The following STARD9 variants were observed in gnomAD, a reference collection of about 807,000 sequenced individuals.
STARD9 encodes the protein stAR-related lipid transfer protein 9.
Under a neutral mutation model 399.8 loss-of-function variants are expected in STARD9, and 346 were observed. That is an observed-to-expected ratio of 0.87 (90% CI 0.79 to 0.95). STARD9 has a LOEUF of 0.95. Ranked by LOEUF, STARD9 falls within the 40% of genes least tolerant of loss-of-function variation. The pLI, the probability that STARD9 is intolerant of heterozygous loss-of-function variation, is 0.00. For synonymous variants in STARD9, 2,203 were observed against 2,143.5 expected (o/e 1.03, Z -0.77); for missense variants, 5,832 against 5,667.5 (o/e 1.03, Z -0.93).
chr15:42,626,685 T>G (rs2059232470), intron 3 of STARD9, among the ~76,000 whole-genome samples: 1 of 151,380 alleles, frequency 6.6e-6, no homozygotes, highest in African/African-American at 2.4e-5. Context: ...TTTTTTTTTT[T>G]TTTTTTAGTA....
At chr15:42,649,295 T>A (rs1305577344) in intron 7 of STARD9, among the ~76,000 whole-genome samples, 1 of 152,166 alleles carries the variant, frequency 6.6e-6, no homozygotes, top group African/African-American at 2.4e-5. Context: ...CCCAAAGTGT[T>A]GGGATTACAG....
At chr15:42,705,554 C>T (rs947355405) in intron 26 of STARD9, among the ~76,000 whole-genome samples, 1 of 152,038 alleles carries the variant, frequency 6.6e-6, no homozygotes, top group Non-Finnish European at 1.5e-5. Flanking sequence ...CCTGGCTCAG[C>T]ACTCCGAGTA....
rs768368491 is a variant in STARD9 at position 42,688,532 on chromosome 15, C to T, written c.6954C>T (p.Ser2318=). 3 of 1,537,720 alleles carry T rather than the reference C, an allele frequency of 2.0e-6. 1 individual carries two copies. The highest frequency in any genetic ancestry group is 2.4e-5 in the South Asian group (2 of 84,062). The change falls in exon 23 of 33, where the codon AGC becomes AGT. Residue 2318 remains serine (S), a synonymous_variant. Coordinates refer to ENST00000290607, the MANE Select transcript of STARD9 (RefSeq NM_020759.3). ...FRQETVSPLL[S]RTEFCTAPLH... is the part of the protein sequence containing the mutation. ...AGGAAACTGTCAGCCCATTACTAAG[C>T]CGGACAGAATTCTGTACAGCTCCTC...
rs562876071 is a variant in STARD9 at position 42,694,883 on chromosome 15, G to A, written c.12962+158G>A. ...GGGAATGGAATGAGGGAGGGGGTGG[G>A]CAGAGAGAAGGCACAGGAAATGATG... On this transcript the variant is annotated intron_variant, in intron 24 of 32. Coordinates refer to ENST00000290607, the MANE Select transcript of STARD9 (RefSeq NM_020759.3). Among the ~76,000 whole-genome samples the A allele has an allele frequency of 2.1e-4, 31 of 148,590 alleles. No homozygotes were observed. The East Asian group carries it at 5.1e-3, about 25-fold the overall frequency.
At chr15:42,615,013 A>ATT (rs111730580) in intron 3 of STARD9, among the ~76,000 whole-genome samples, 77,993 of 135,870 alleles carry the variant, frequency 0.57, 23,649 homozygotes, top group East Asian at 0.73. Context: ...ATAGTCAAGG[A>ATT]TTTTTTTTTT....
intron 9 of STARD9, among the ~76,000 whole-genome samples, chr15:42,658,587 A>G (rs1282222726): frequency 9.3e-5 from 14 of 151,062 alleles, no homozygotes; most frequent in Admixed American, 7.9e-4. Context: ...GGTTCAAGTG[A>G]TTCTCCTGCC....
intron 20 of STARD9, 106 bp from the exon 21 acceptor site, chr15:42,681,316 C>A: frequency 8.4e-7 from 1 of 1,185,472 alleles, no homozygotes; most frequent in Non-Finnish European, 1.2e-6. Context: ...GCACTCTCTA[C>A]CCTGTTGATT....
intron 26 of STARD9, among the ~76,000 whole-genome samples, chr15:42,698,974 C>A (rs1357903828): frequency 6.6e-6 from 1 of 151,952 alleles, no homozygotes; most frequent in African/African-American, 2.4e-5. Flanking sequence ...CCACTACCCT[C>A]ATTGCTCTTC....
At chr15:42,581,707 G>A (rs1457310260) in intron 1 of STARD9, among the ~76,000 whole-genome samples, 1 of 152,224 alleles carries the variant, frequency 6.6e-6, no homozygotes, top group East Asian at 1.9e-4. Context: ...CACGATGACA[G>A]GAAACCTACA....
At chr15:42,677,089 TAAAAAAAAAAAAA>T (rs869040683) in intron 20 of STARD9, among the ~76,000 whole-genome samples, 76 of 53,604 alleles carry the variant, frequency 1.4e-3, no homozygotes, top group African/African-American at 6.4e-3. Flanking sequence ...CGTCTCTACT[TAAAAAAAAAAAAA>T]AAAAAAAAAA....
At chr15:42,581,966 T>TCAA (rs879863919) in intron 1 of STARD9, among the ~76,000 whole-genome samples, 13 of 151,994 alleles carry the variant, frequency 8.6e-5, no homozygotes, top group East Asian at 5.8e-4. Flanking sequence ...ATCTGTGTCG[T>TCAA]CAACAACAAC....
Position 42,687,264 on chromosome 15 carries a change from G to T in STARD9, c.5686G>T (p.Gly1896Cys). 10 of 1,536,878 alleles carry T rather than the reference G, an allele frequency of 6.5e-6. No individual in the cohort carries two copies. Among genetic ancestry groups the T allele is most frequent in the Non-Finnish European group, 4.4e-6 (5 of 1,146,884 alleles). Reference sequence around the variant, plus strand: ...AGAGGTCACTGCTCAGTCCTGTTGCGGTGCTTCCTCAGACAGCACTGAGTC... The same window carrying T: ...AGAGGTCACTGCTCAGTCCTGTTGCTGTGCTTCCTCAGACAGCACTGAGTC... ...GGEVTAQSCC[G>C]ASSDSTESGK... is the part of the protein sequence containing the mutation. Residue 1896 changes from glycine to cysteine, a missense_variant, in exon 23 of 33, where the codon GGT (glycine) becomes TGT (cysteine). By Grantham distance (159) the Gly-to-Cys change is radical. Transcript: ENST00000290607.
At position 42,631,473 on chromosome 15, in the gene STARD9, G is replaced by T. The variant is rs530185347; in HGVS notation, c.235-3383G>T. On this transcript the variant is annotated intron_variant, in intron 3 of 32. Transcript: ENST00000290607. ...TGTGCGCCGGTAGTCTCAGCTACTT[G>T]GGATACCAGGGCATGAGAATTGCTT... is the stretch of plus-strand genomic sequence containing the variant. Among the ~76,000 whole-genome samples the T allele has an allele frequency of 7.9e-4, 120 of 152,168 alleles. 3 individuals are homozygous for T. In the South Asian group the frequency reaches 0.012, roughly 16 times the overall value.
Position 42,684,916 on chromosome 15 carries a change from C to G in STARD9, c.3338C>G (p.Ser1113Ter). ...AGCAACTACTCATTGGATTCTCTCT[C>G]ATGTGTCTATGCCAAAGCCCTGATA... is the stretch of plus-strand genomic sequence containing the variant. ...TDSNYSLDSL[S>*]CVYAKALIEP... The change falls in exon 23 of 33, where the codon TCA (serine) becomes TGA (stop). Residue 1113 changes from serine to a stop codon, truncating the protein, a stop_gained. Transcript: ENST00000290607. LOFTEE classifies it high-confidence loss of function. The G allele has an allele frequency of 1.3e-6, 2 of 1,537,060 alleles. No homozygotes were observed. Among genetic ancestry groups the G allele is most frequent in the Non-Finnish European group, 1.7e-6 (2 of 1,146,916 alleles).
chr15:42,657,880 G>A (rs1376910447), intron 9 of STARD9, among the ~76,000 whole-genome samples: 1 of 152,170 alleles, frequency 6.6e-6, no homozygotes, highest in African/African-American at 2.4e-5. Flanking sequence ...GAGAAAATAT[G>A]TTTTCAGCAA....
Position 42,690,034 on chromosome 15 carries a change from G to C in STARD9, c.8456G>C (p.Cys2819Ser). The change falls in exon 23 of 33, where the codon TGT becomes TCT. Residue 2819 changes from cysteine to serine, a missense_variant. Coordinates refer to ENST00000290607, the MANE Select transcript of STARD9 (RefSeq NM_020759.3). ...TAHFESQSVT[C>S]DVQNSTSASG... ...CATTTTGAAAGTCAGTCTGTGACCT[G>C]TGATGTTCAGAATTCTACAAGTGCC... 6 of 1,537,504 alleles carry C rather than the reference G, an allele frequency of 3.9e-6. No homozygotes were observed. Among genetic ancestry groups the C allele is most frequent in the Non-Finnish European group, 5.2e-6 (6 of 1,146,972 alleles).
In STARD9 at chr15:42,651,058, A is replaced by G. The variant is rs1259502221; in HGVS notation, c.602A>G (p.Gln201Arg). Residue 201 changes from glutamine to arginine, a missense_variant, in exon 8 of 33, where the codon CAA becomes CGA. Physicochemically the swap from Gln to Arg is conservative, Grantham distance 43. Transcript: ENST00000290607. ...GTTACCAATTATAAGCAAGTAATCC[A>G]ACTCTTGGAGGAGGGAATTGCAAAC... ...HVVTNYKQVI[Q>R]LLEEGIANRI... 1.3e-6 allele frequency: 2 copies of G among 1,535,168 alleles called. No individual in the cohort carries two copies. The highest frequency in any genetic ancestry group is 2.7e-5 in the African/African-American group (2 of 72,986).
chr15:42,603,913 T>C (rs2058679732), intron 3 of STARD9, among the ~76,000 whole-genome samples: 3 of 152,120 alleles, frequency 2.0e-5, no homozygotes, highest in Admixed American at 1.3e-4. Context: ...ATAGGAGCAA[T>C]TGAGGAGGTT....
chr15:42,578,104 CA>C lies in STARD9; in HGVS notation c.47+2344del, dbSNP rs1281134591. Among the ~76,000 whole-genome samples, 4 of 74,590 alleles carry C rather than the reference CA, an allele frequency of 5.4e-5. No homozygotes were observed. The Admixed American group carries it at 8.2e-4, about 15-fold the overall frequency. 48.9% of individuals were successfully genotyped at this position (74,590 alleles called of 152,430 possible). A position where few individuals can be genotyped will look rare whatever the true frequency, so the allele number is the denominator to read the frequency against. On this transcript the variant is annotated intron_variant, in intron 1 of 32. Transcript: ENST00000290607. Reference sequence around the variant, plus strand: ...ATTCAGTAGGACTAGAGTTGACGCTCAATTTTTTTTTTTTTTTTCTTTTGGA... The same window carrying C: ...ATTCAGTAGGACTAGAGTTGACGCTCATTTTTTTTTTTTTTTTCTTTTGGA...
Sources: allele counts gnomAD v4.1 joint callset (sites outside exome capture counted in the v4.1 genomes callset), GRCh38; gene constraint gnomAD v4.1.1; transcripts MANE v1.5; gene names NCBI Gene and HGNC (gene_info 2026-07-23, HGNC 2026-07-21).